NSRP1: variants seen among roughly 807,000 people sequenced by gnomAD.
NSRP1 encodes the protein nuclear speckle splicing regulatory protein 1.
Under a neutral mutation model 54.7 loss-of-function variants are expected in NSRP1, and 24 were observed. The ratio of observed to expected loss-of-function variants is 0.44; its 90% confidence interval spans 0.32 to 0.62. The LOEUF (loss-of-function observed/expected upper bound fraction) is 0.62. Ranked by LOEUF, NSRP1 falls within the 20% of genes least tolerant of loss-of-function variation. The probability of loss-of-function intolerance (pLI) is 0.06; values close to 1 mark genes in which losing one functional copy is unlikely to be tolerated. For synonymous variants in NSRP1, 210 were observed against 213.8 expected, an observed-to-expected ratio of 0.98 and a Z score of 0.15; for missense variants, 596 against 651.2, an observed-to-expected ratio of 0.92 and a Z score of 0.92.
At chr17:30,116,913 G>T (rs748979057) in intron 1 of NSRP1, 50 bp downstream of exon 1, 2 of 1,555,818 alleles carry the variant, frequency 1.3e-6, no homozygotes, top group South Asian at 2.4e-5. Context: ...AAACTACGGC[G>T]ACTGTATCTT....
At chr17:30,128,046 C>T (rs2071666329) in intron 2 of NSRP1, 2 of 383,354 alleles carry the variant, frequency 5.2e-6, no homozygotes, top group Non-Finnish European at 9.2e-6. Context: ...ACTGCGTTGC[C>T]TAGGCTGCTC....
intron 2 of NSRP1, among the ~76,000 whole-genome samples, chr17:30,133,961 C>T (rs1264682060): frequency 1.3e-5 from 2 of 152,240 alleles, no homozygotes; most frequent in African/African-American, 4.8e-5. Context: ...TAGCTTTCAG[C>T]CTGTCTCGCC....
chr17:30,184,902 ACCACACGAAAGGATCACGAACGTC>A lies in NSRP1; in HGVS notation c.906_929del (p.His302_Ser310delinsGln), dbSNP rs1190702673. ...GAAGAAAGAGGGCACAGTACCAGGC[ACCACACGAAAGGATCACGAACGTC>A]GAGAGGACATGAGAAAAGGGAAGAT... is the stretch of plus-strand genomic sequence containing the variant. On this transcript the variant is annotated inframe_deletion, in exon 7 of 7. Transcript: ENST00000247026. 6.2e-7 allele frequency: 1 copy of A among 1,614,182 alleles called. No individual in the cohort carries two copies.
At chr17:30,171,931 T>TTC (rs199795009) in intron 2 of NSRP1, among the ~76,000 whole-genome samples, 3 of 41,370 alleles carry the variant, frequency 7.3e-5, no homozygotes, top group African/African-American at 9.5e-5. Context: ...CTTTCCCCAT[T>TTC]TCTCACACAC....
intron 2 of NSRP1, among the ~76,000 whole-genome samples, chr17:30,138,910 T>TTTTG (rs2071774967): frequency 2.0e-4 from 12 of 59,774 alleles, no homozygotes; most frequent in Non-Finnish European, 3.1e-4. Flanking sequence ...AGTCTTAGCG[T>TTTTG]TTTTTTTTTT....
intron 2 of NSRP1, among the ~76,000 whole-genome samples, chr17:30,167,548 G>T (rs1436891771): frequency 6.6e-6 from 1 of 151,982 alleles, no homozygotes; most frequent in African/African-American, 2.4e-5. Context: ...GGCGGAGGTT[G>T]CAGTGAGCCG....
intron 2 of NSRP1, among the ~76,000 whole-genome samples, chr17:30,161,216 A>C (rs972705640): frequency 6.6e-6 from 1 of 152,204 alleles, no homozygotes; most frequent in African/African-American, 2.4e-5. Flanking sequence ...TTATGTGTAC[A>C]TAGGCTTTCA....
At chr17:30,157,618 G>A (rs1904353747) in intron 2 of NSRP1, among the ~76,000 whole-genome samples, 1 of 152,082 alleles carries the variant, frequency 6.6e-6, no homozygotes, top group African/African-American at 2.4e-5. Flanking sequence ...AGACTAGGGT[G>A]ACTATACTTC....
At chr17:30,119,230 C>T (rs2151871148) in intron 2 of NSRP1, among the ~76,000 whole-genome samples, 1 of 152,140 alleles carries the variant, frequency 6.6e-6, no homozygotes, top group Non-Finnish European at 1.5e-5. Context: ...GCTGGGGTTA[C>T]AGGTGCCTGC....
At chr17:30,128,894 A>G (rs1176746874) in intron 2 of NSRP1, among the ~76,000 whole-genome samples, 3 of 151,760 alleles carry the variant, frequency 2.0e-5, no homozygotes, top group South Asian at 2.1e-4. Context: ...TTATCTTTGT[A>G]TGGCAGACAA....
rs1905451312 is a variant in NSRP1, at chr17:30,184,778, G to T, written c.781G>T (p.Glu261Ter). The T allele has an allele frequency of 6.2e-7, 1 of 1,613,874 alleles. No individual in the cohort carries two copies. Among genetic ancestry groups the T allele is most frequent in the African/African-American group, 1.3e-5 (1 of 74,870 alleles). Residue 261 changes from glutamate (E) to a stop codon, truncating the protein, a stop_gained, in exon 7 of 7, where the codon GAA becomes TAA. Transcript: ENST00000247026. LOFTEE classifies it high-confidence loss of function. ...DAKSSADDEIEETRVNCRREK... is the reference protein window; with the variant it reads ...DAKSSADDEI ...TAAGAGCAGTGCGGATGATGAAATA[G>T]AAGAAACTAGAGTGAACTGCAGAAG...
At chr17:30,147,663 C>T (rs1026842642) in intron 2 of NSRP1, among the ~76,000 whole-genome samples, 1 of 151,366 alleles carries the variant, frequency 6.6e-6, no homozygotes, top group Non-Finnish European at 1.5e-5. Flanking sequence ...CGGGGTTTCA[C>T]CATGTTAGCC....
chr17:30,117,441 C>G (rs776973783), intron 1 of NSRP1: 2 of 427,802 alleles, frequency 4.7e-6, no homozygotes, highest in Non-Finnish European at 4.1e-6. Context: ...TGCGGCCTCC[C>G]GTGATCTCCG....
chr17:30,152,774 A>G (rs1304692853), intron 2 of NSRP1, among the ~76,000 whole-genome samples: 1 of 150,918 alleles, frequency 6.6e-6, no homozygotes, highest in Non-Finnish European at 1.5e-5. Context: ...TCTGTTCCTC[A>G]GTATCTGGTA....
chr17:30,134,114 A>G (rs1267604142), intron 2 of NSRP1, among the ~76,000 whole-genome samples: 1 of 152,130 alleles, frequency 6.6e-6, no homozygotes, highest in African/African-American at 2.4e-5. Flanking sequence ...GTTGCGTCTC[A>G]AGGAATAGGA....
Position 30,185,316 on chromosome 17 carries a change from G to T in NSRP1, c.1319G>T (p.Arg440Leu). Residue 440 changes from arginine (R) to leucine (L), a missense_variant, in exon 7 of 7, where the codon CGA becomes CTA. Coordinates refer to ENST00000247026, the MANE Select transcript of NSRP1 (RefSeq NM_032141.4). Reference sequence around the variant, plus strand: ...GATAAATACAGAGATAGAGAAAAACGAGAGGTAGGTGTTCAGTCTTCAGAA... The same window carrying T: ...GATAAATACAGAGATAGAGAAAAACTAGAGGTAGGTGTTCAGTCTTCAGAA... ...NNDKYRDREK[R>L]EVGVQSSERN... 1.9e-6 allele frequency: 3 copies of T among 1,605,756 alleles called. No homozygotes were observed. The highest frequency in any genetic ancestry group is 1.1e-5 in the South Asian group (1 of 88,552).
At chr17:30,176,888 A>G (rs571504858) in intron 3 of NSRP1, among the ~76,000 whole-genome samples, 1 of 152,328 alleles carries the variant, frequency 6.6e-6, no homozygotes, top group African/African-American at 2.4e-5. Flanking sequence ...AAATGTTGGT[A>G]TGTAAAAACC....
Position 30,122,254 on chromosome 17 carries a change from A to G in NSRP1, c.114+4081A>G, listed in dbSNP as rs899616974. Among the ~76,000 whole-genome samples the G allele has an allele frequency of 6.8e-5, 10 of 147,854 alleles. No individual in the cohort carries two copies. In the South Asian group the frequency reaches 8.6e-4, roughly 13 times the overall value. On this transcript the variant is annotated intron_variant, in intron 2 of 6. Transcript: ENST00000247026. ...ATAATGCTGCTATAAATACTTGTGT[A>G]TAGGTTTTTTGTGTGGATATGTTTT...
At chr17:30,138,879 G>A (rs1026232982) in intron 2 of NSRP1, among the ~76,000 whole-genome samples, 2 of 148,898 alleles carry the variant, frequency 1.3e-5, no homozygotes, top group Admixed American at 6.7e-5. Flanking sequence ...GCTATCCTAA[G>A]GGGTATGAAG....
Sources: gnomAD v4.1 joint callset for allele counts (sites outside exome capture counted in the v4.1 genomes callset) on GRCh38, gnomAD v4.1.1 for gene constraint, MANE v1.5 for transcripts, NCBI Gene and HGNC (gene_info 2026-07-23, HGNC 2026-07-21) for gene names.